The following RBFOX1 variants were observed in gnomAD, a reference collection of about 807,000 sequenced individuals.
RBFOX1 encodes RNA binding protein fox-1 homolog 1.
In RBFOX1, 8 loss-of-function variants were observed where a neutral mutation model predicts 57.7. That is an observed-to-expected ratio of 0.14 (90% CI 0.08 to 0.25). RBFOX1 has a LOEUF of 0.25. Ranked by LOEUF, RBFOX1 falls within the 10% of genes least tolerant of loss-of-function variation. The probability of loss-of-function intolerance (pLI) is 1.00; values close to 1 mark genes in which losing one functional copy is unlikely to be tolerated. For missense variants in RBFOX1, 611 were observed against 548.5 expected (o/e 1.11, Z -1.14); for synonymous variants, 326 against 222.4 (o/e 1.47, Z -4.15).
At chr16:7,650,569 CT>C (rs1375845550) in intron 11 of RBFOX1, among the ~76,000 whole-genome samples, 1 of 119,878 alleles carries the variant, frequency 8.3e-6, no homozygotes, top group Non-Finnish European at 1.9e-5. Context: ...GTGCTCCCCT[CT>C]CTCTCTCTTG....
chr16:6,728,610 C>G (rs551806469), intron 3 of RBFOX1, among the ~76,000 whole-genome samples: 1 of 152,256 alleles, frequency 6.6e-6, no homozygotes, highest in East Asian at 1.9e-4. Context: ...TCAGAAGCTG[C>G]CTCATATTGG....
intron 1 of RBFOX1, among the ~76,000 whole-genome samples, chr16:5,372,023 A>G (rs753109694): frequency 3.3e-5 from 5 of 152,144 alleles, no homozygotes; most frequent in Non-Finnish European, 7.3e-5. Flanking sequence ...CTCTTTTAAG[A>G]TGCTCATGAT....
rs1400359245 is a variant in RBFOX1 at position 6,562,853 on chromosome 16, TTTCTTTCTTTCTTTCTTTCTTTCTTTC to T, written c.-63-91747_-63-91721del. Among the ~76,000 whole-genome samples the T allele has an allele frequency of 2.8e-4, 15 of 52,784 alleles. 1 individual carries two copies. The highest frequency in any genetic ancestry group is 1.7e-3 in the African/African-American group (15 of 8,694). 34.6% of individuals were successfully genotyped at this position (52,784 alleles called of 152,430 possible). ...ATTCTTTTCTTTCTTTCTTTCTTTC[TTTCTTTCTTTCTTTCTTTCTTTCTTTC>T]TTTTTTTTTTTTTTTTTTGCATAGT... On this transcript the variant is annotated intron_variant, in intron 2 of 15. Transcript: ENST00000550418.
At chr16:6,383,732 T>G (rs2092021488) in intron 2 of RBFOX1, among the ~76,000 whole-genome samples, 1 of 151,568 alleles carries the variant, frequency 6.6e-6, no homozygotes, top group Non-Finnish European at 1.5e-5. Context: ...ATCGCACCAC[T>G]GCACTCCAGC....
At chr16:5,522,843 C>T (rs925958699) in intron 2 of RBFOX1, among the ~76,000 whole-genome samples, 2 of 152,208 alleles carry the variant, frequency 1.3e-5, no homozygotes, top group Non-Finnish European at 2.9e-5. Flanking sequence ...ATGTCCAGTT[C>T]TATCCCAACT....
intron 2 of RBFOX1, among the ~76,000 whole-genome samples, chr16:6,592,399 T>G (rs866411127): frequency 2.6e-5 from 4 of 152,192 alleles, no homozygotes; most frequent in Non-Finnish European, 4.4e-5. Context: ...GGAGAATATT[T>G]TGTTTCATAA....
chr16:7,654,351 C>T (rs1260984512), intron 12 of RBFOX1, among the ~76,000 whole-genome samples: 1 of 152,158 alleles, frequency 6.6e-6, no homozygotes. Context: ...ATAAAAATCA[C>T]TGGGGTCGTC....
chr16:6,640,095 G>C (rs2098475047), intron 2 of RBFOX1, among the ~76,000 whole-genome samples: 1 of 152,154 alleles, frequency 6.6e-6, no homozygotes, highest in Non-Finnish European at 1.5e-5. Flanking sequence ...TTAAGTGGTA[G>C]AGTCAGGATT....
chr16:5,346,263 A>G (rs1044001316), intron 1 of RBFOX1, among the ~76,000 whole-genome samples: 1 of 152,192 alleles, frequency 6.6e-6, no homozygotes, highest in Non-Finnish European at 1.5e-5. Flanking sequence ...GACAGGGAAT[A>G]AAAAAGTCTT....
At chr16:5,848,448 C>T (rs540180387) in intron 3 of RBFOX1, among the ~76,000 whole-genome samples, 8 of 152,136 alleles carry the variant, frequency 5.3e-5, no homozygotes, top group East Asian at 1.9e-4. Flanking sequence ...AATAAACACA[C>T]AAATATGATT....
chr16:6,036,328 C>G (rs990357652), intron 1 of RBFOX1, among the ~76,000 whole-genome samples: 1 of 152,122 alleles, frequency 6.6e-6, no homozygotes, highest in Non-Finnish European at 1.5e-5. Flanking sequence ...GAAGGCAACA[C>G]AGGTTTCAGA....
intron 4 of RBFOX1, among the ~76,000 whole-genome samples, chr16:7,418,448 G>A (rs1275774955): frequency 6.6e-6 from 1 of 152,102 alleles, no homozygotes; most frequent in African/African-American, 2.4e-5. Context: ...GCCCCTTTAG[G>A]GCGTGAGCCA....
intron 1 of RBFOX1, among the ~76,000 whole-genome samples, chr16:6,249,455 C>G (rs1413051296): frequency 6.6e-6 from 1 of 152,092 alleles, no homozygotes; most frequent in Non-Finnish European, 1.5e-5. Flanking sequence ...ACCCGGGAGG[C>G]AGAGATTGTA....
chr16:5,908,229 CATAT>C (rs540004211), intron 4 of RBFOX1, among the ~76,000 whole-genome samples: 6,145 of 140,978 alleles, frequency 0.044, 675 homozygotes, highest in African/African-American at 0.16. Context: ...TATATACACA[CATAT>C]ATATACATAT....
At chr16:5,408,245 G>A (rs1046392503) in intron 1 of RBFOX1, among the ~76,000 whole-genome samples, 6 of 152,164 alleles carry the variant, frequency 3.9e-5, no homozygotes, top group African/African-American at 1.4e-4. Flanking sequence ...GAAAGTGAAA[G>A]GGGCCATACA....
intron 4 of RBFOX1, among the ~76,000 whole-genome samples, chr16:7,298,319 C>T (rs1000152417): frequency 2.3e-5 from 3 of 129,552 alleles, no homozygotes; most frequent in Admixed American, 1.7e-4. Context: ...GATATACTCA[C>T]TCTTTTGCCC....
chr16:5,982,663 A>C (rs1273575786), intron 4 of RBFOX1, among the ~76,000 whole-genome samples: 1 of 152,102 alleles, frequency 6.6e-6, no homozygotes, highest in African/African-American at 2.4e-5. Flanking sequence ...TCCTGCTGAA[A>C]TCTCATCTCA....
At chr16:6,198,484 T>A (rs944913775) in intron 1 of RBFOX1, among the ~76,000 whole-genome samples, 1 of 152,168 alleles carries the variant, frequency 6.6e-6, no homozygotes, top group East Asian at 1.9e-4. Flanking sequence ...TAGAGGACAA[T>A]GAATGCTTTT....
chr16:6,895,468 ATATATATATATATATATATT>A (rs1555588424), intron 3 of RBFOX1, among the ~76,000 whole-genome samples: 4,711 of 131,300 alleles, frequency 0.036, 232 homozygotes, highest in East Asian at 0.19. Flanking sequence ...ATATATATAT[ATATATATATATATATATATT>A]TATTCCCCTA....
Sources: gnomAD v4.1 joint callset for allele counts (sites outside exome capture counted in the v4.1 genomes callset) on GRCh38, gnomAD v4.1.1 for gene constraint, MANE v1.5 for transcripts, NCBI Gene and HGNC (gene_info 2026-07-23, HGNC 2026-07-21) for gene names.